ITSN2: variants seen among roughly 807,000 people sequenced by gnomAD.
ITSN2 encodes the protein intersectin 2, also known as intersectin-2.
A neutral mutation model predicts 243.7 loss-of-function variants in ITSN2; 156 were observed. That is an observed-to-expected ratio of 0.64 (90% confidence interval 0.56 to 0.73). The LOEUF (loss-of-function observed/expected upper bound fraction) is 0.73, where lower values mean the gene tolerates loss of function less well. Ranked by LOEUF, ITSN2 falls within the 30% of genes least tolerant of loss-of-function variation. The pLI, the probability that ITSN2 is intolerant of heterozygous loss-of-function variation, is 0.00. For missense variants in ITSN2, 1,801 were observed against 1,996.1 expected (o/e 0.90, Z 1.86); for synonymous variants, 703 against 699.9 (o/e 1.00, Z -0.07).
At chr2:24,344,324 G>C (rs1294925768) in intron 1 of ITSN2, among the ~76,000 whole-genome samples, 1 of 152,148 alleles carries the variant, frequency 6.6e-6, no homozygotes, top group Admixed American at 6.6e-5. Context: ...TCTAGAAGTA[G>C]AATTAATGGG....
In ITSN2 at chr2:24,286,236, C is replaced by T. The variant is rs1679485474; in HGVS notation, c.1839G>A (p.Met613Ile). ...EKETASKLSE[M>I]DSFNNQLKCG... ...CCTTTAGTTGATTGTTAAAAGAATC[C>T]ATTTCTGACAGCTTAGATGCAGTTT... Residue 613 changes from methionine to isoleucine, a missense_variant, in exon 16 of 40, where the codon ATG (methionine) becomes ATA (isoleucine). This residue lies in a region of ITSN2 where 787 missense variants were observed against 803.9 expected (regional missense o/e 0.98). Coordinates refer to ENST00000355123, the MANE Select transcript of ITSN2 (RefSeq NM_006277.3). 1.3e-6 allele frequency: 2 copies of T among 1,589,326 alleles called. No homozygotes were observed. The highest frequency in any genetic ancestry group is 1.7e-5 in the Admixed American group (1 of 57,644).
chr2:24,208,526 A>T (rs955807801), intron 36 of ITSN2, among the ~76,000 whole-genome samples: 1 of 152,042 alleles, frequency 6.6e-6, no homozygotes, highest in African/African-American at 2.4e-5. Context: ...TGACCACAAA[A>T]TGCCAGGCAC....
At chr2:24,248,481 G>T in intron 27 of ITSN2, 148 bp downstream of exon 27, 1 of 562,256 alleles carries the variant, frequency 1.8e-6, no homozygotes. Context: ...GAGACTAAAG[G>T]AAATATAATG....
chr2:24,289,438 T>C (rs576355370), intron 15 of ITSN2, among the ~76,000 whole-genome samples: 2 of 152,336 alleles, frequency 1.3e-5, no homozygotes, highest in Admixed American at 1.3e-4. Context: ...CAACTGATTT[T>C]TGTATGCTGA....
intron 23 of ITSN2, 73 bp downstream of exon 23, chr2:24,257,815 A>G: frequency 8.6e-7 from 1 of 1,156,190 alleles, no homozygotes; most frequent in Non-Finnish European, 1.3e-6. Flanking sequence ...TTATACACTC[A>G]ATCAGACCAT....
chr2:24,355,563 A>G (rs1688369122), intron 1 of ITSN2, among the ~76,000 whole-genome samples: 1 of 152,226 alleles, frequency 6.6e-6, no homozygotes, highest in Non-Finnish European at 1.5e-5. Context: ...ACTTCCTTAC[A>G]CCTTATACAA....
chr2:24,204,188 C>T lies in ITSN2; in HGVS notation c.4936+57G>A. 5 of 1,551,882 alleles carry T rather than the reference C, an allele frequency of 3.2e-6. No homozygotes were observed. The highest frequency in any genetic ancestry group is 4.4e-6 in the Non-Finnish European group (5 of 1,126,400). ...CACAGCTGAAGCCCCTAGATCTGGA[C>T]TCCAGGATCTAGGAAACTGGGAAAG... On this transcript the variant is annotated intron_variant, in intron 39 of 39. Transcript: ENST00000355123. This position sits in a 1 kb window ranked among gnomAD's most constrained non-coding sequence, Gnocchi z 5.1.
intron 13 of ITSN2, among the ~76,000 whole-genome samples, chr2:24,296,062 T>TG (rs1330203906): frequency 6.6e-6 from 1 of 152,130 alleles, no homozygotes; most frequent in Non-Finnish European, 1.5e-5. Flanking sequence ...CACATTGAAT[T>TG]TTTTTCTGAA....
chr2:24,226,612 C>T (rs1671057957), intron 29 of ITSN2, among the ~76,000 whole-genome samples: 1 of 152,128 alleles, frequency 6.6e-6, no homozygotes, highest in East Asian at 1.9e-4. Flanking sequence ...TGTGCTCAGA[C>T]TTTGTCTGAA....
chr2:24,206,657 C>T (rs974468704), intron 37 of ITSN2, among the ~76,000 whole-genome samples: 7 of 152,198 alleles, frequency 4.6e-5, no homozygotes, highest in African/African-American at 1.2e-4. Context: ...AGGACATCAC[C>T]GGTGCAACAA....
intron 1 of ITSN2, among the ~76,000 whole-genome samples, chr2:24,348,237 C>T (rs1297062685): frequency 3.8e-5 from 5 of 132,318 alleles, no homozygotes; most frequent in Admixed American, 2.6e-4. Flanking sequence ...TGCAGTGGCG[C>T]GATATCAGCT....
intron 16 of ITSN2, among the ~76,000 whole-genome samples, chr2:24,285,714 C>T (rs1558553503): frequency 6.6e-6 from 1 of 152,204 alleles, no homozygotes; most frequent in Non-Finnish European, 1.5e-5. Flanking sequence ...GAATCATTAA[C>T]TTGCTTTTTG....
intron 2 of ITSN2, among the ~76,000 whole-genome samples, chr2:24,318,918 T>A (rs541048728): frequency 2.0e-5 from 3 of 152,266 alleles, no homozygotes; most frequent in African/African-American, 7.2e-5. Context: ...TCCTGTCAGA[T>A]CAGTGGCAGC....
At chr2:24,266,241 A>C (rs1369576991) in intron 20 of ITSN2, among the ~76,000 whole-genome samples, 2 of 152,182 alleles carry the variant, frequency 1.3e-5, no homozygotes, top group Non-Finnish European at 2.9e-5. Context: ...TTGTACAGTA[A>C]TACACATTTC....
chr2:24,288,501 T>A (rs1172914488), intron 15 of ITSN2, among the ~76,000 whole-genome samples: 1 of 152,152 alleles, frequency 6.6e-6, no homozygotes, highest in African/African-American at 2.4e-5. Flanking sequence ...ATAATGTGTA[T>A]GTTAATTAGC....
At chr2:24,350,644 C>A (rs575542799) in intron 1 of ITSN2, among the ~76,000 whole-genome samples, 25 of 152,234 alleles carry the variant, frequency 1.6e-4, no homozygotes, top group Non-Finnish European at 3.1e-4. Context: ...TCCATATAAT[C>A]CATAAAATAT....
chr2:24,292,908 T>C (rs931212774), intron 15 of ITSN2, among the ~76,000 whole-genome samples: 15 of 152,230 alleles, frequency 9.9e-5, no homozygotes, highest in Non-Finnish European at 2.1e-4. Context: ...TTGAACTTTG[T>C]AAACAGCCAA....
At chr2:24,252,597 G>A (rs1674488109) in intron 24 of ITSN2, 86 bp from the exon 25 acceptor site, 2 of 947,596 alleles carry the variant, frequency 2.1e-6, no homozygotes, top group Middle Eastern at 4.5e-4. Context: ...CCAAGACATT[G>A]TATAAGTTTG....
chr2:24,339,814 C>G (rs576340814), intron 1 of ITSN2, among the ~76,000 whole-genome samples: 1 of 151,964 alleles, frequency 6.6e-6, no homozygotes, highest in African/African-American at 2.4e-5. Context: ...ATCACTTGAG[C>G]CTAGGAGCTC....
Sources: allele counts gnomAD v4.1 joint callset (sites outside exome capture counted in the v4.1 genomes callset), GRCh38; gene constraint gnomAD v4.1.1; regional missense constraint gnomAD v4.1.1; non-coding constraint Gnocchi (gnomAD v3.1); transcripts MANE v1.5; gene names NCBI Gene and HGNC (gene_info 2026-07-23, HGNC 2026-07-21).